Variants in DAAM1 observed in about 807,000 individuals in gnomAD.
DAAM1 encodes dishevelled associated activator of morphogenesis 1.
A neutral mutation model predicts 130.0 loss-of-function variants in DAAM1; 52 were observed. The ratio of observed to expected loss-of-function variants is 0.40; its 90% CI spans 0.32 to 0.50. The LOEUF (loss-of-function observed/expected upper bound fraction) is 0.50. DAAM1 is among the 20% of genes least tolerant of loss of function. DAAM1 has a pLI of 0.61. For missense variants in DAAM1, 1,134 were observed against 1,303.8 expected, an observed-to-expected ratio of 0.87 and a Z score of 2.01; for synonymous variants, 452 against 444.5, an observed-to-expected ratio of 1.02 and a Z score of -0.21.
chr14:59,216,969 C>T (rs1372193706), intron 1 of DAAM1, among the ~76,000 whole-genome samples: 2 of 151,646 alleles, frequency 1.3e-5, no homozygotes, highest in African/African-American at 2.4e-5. Context: ...AGTTGAGAGA[C>T]AATACCTCCC....
At chr14:59,330,944 A>G (rs1419540946) in intron 13 of DAAM1, among the ~76,000 whole-genome samples, 2 of 152,206 alleles carry the variant, frequency 1.3e-5, no homozygotes, top group Admixed American at 1.3e-4. Context: ...GACTTCATGA[A>G]AACCAGACTG....
At chr14:59,299,789 C>A (rs1363607629) in intron 3 of DAAM1, 9 of 152,074 alleles carry the variant, frequency 5.9e-5, no homozygotes, top group Non-Finnish European at 7.4e-5. Context: ...CTGGGTGGGA[C>A]CCTGGACCTG....
At chr14:59,335,955 A>T (rs1394443484) in intron 15 of DAAM1, among the ~76,000 whole-genome samples, 7 of 151,436 alleles carry the variant, frequency 4.6e-5, no homozygotes, top group Admixed American at 2.0e-4. Flanking sequence ...TAAGATATTT[A>T]TTTCAGTAGG....
chr14:59,315,200 G>C (rs951239343), intron 3 of DAAM1, 80 bp from the exon 4 acceptor site: 1 of 1,248,026 alleles, frequency 8.0e-7, no homozygotes, highest in African/African-American at 1.5e-5. Flanking sequence ...CATTGTCTGG[G>C]TGCTCTGGAA....
chr14:59,333,132 G>A (rs1001508595), intron 15 of DAAM1, among the ~76,000 whole-genome samples: 4 of 152,010 alleles, frequency 2.6e-5, no homozygotes, highest in Non-Finnish European at 5.9e-5. Context: ...CATCTGAAAT[G>A]GGGGGGAAAA....
intron 15 of DAAM1, among the ~76,000 whole-genome samples, chr14:59,336,864 A>G (rs1440834102): frequency 2.0e-5 from 3 of 152,228 alleles, no homozygotes; most frequent in Non-Finnish European, 2.9e-5. Context: ...TGTGTCAGGT[A>G]CTATACACAA....
intron 2 of DAAM1, among the ~76,000 whole-genome samples, chr14:59,268,944 T>C (rs1017508659): frequency 1.3e-5 from 2 of 152,258 alleles, no homozygotes; most frequent in African/African-American, 4.8e-5. Context: ...GTCCTAAGCG[T>C]GACAACTCTA....
At chr14:59,215,171 A>G (rs1055850588) in intron 1 of DAAM1, among the ~76,000 whole-genome samples, 9 of 152,242 alleles carry the variant, frequency 5.9e-5, no homozygotes, top group African/African-American at 2.2e-4. Context: ...CCCTGAGCCT[A>G]CAAACCTTCC....
At chr14:59,229,105 C>T (rs911222643) in intron 1 of DAAM1, among the ~76,000 whole-genome samples, 2 of 152,196 alleles carry the variant, frequency 1.3e-5, no homozygotes, top group African/African-American at 2.4e-5. Context: ...GAAGACTCCT[C>T]GCAGGGTGTT....
chr14:59,351,961 C>T lies in DAAM1; in HGVS notation c.2161-565C>T, dbSNP rs186582551. Among the ~76,000 whole-genome samples the T allele has an allele frequency of 3.9e-5, 6 of 152,172 alleles. No homozygotes were observed. In the East Asian group the frequency reaches 1.2e-3, roughly 29 times the overall value. ...ATACGAAATTAAAAACATCAAATCC[C>T]ACTGTGTTCCTCTCACCCAGCTCTG... On this transcript the variant is annotated intron_variant, in intron 17 of 24. Transcript: ENST00000360909.
intron 1 of DAAM1, among the ~76,000 whole-genome samples, chr14:59,197,006 C>T (rs1887918004): frequency 6.6e-6 from 1 of 152,052 alleles, no homozygotes; most frequent in Non-Finnish European, 1.5e-5. Context: ...CTGCAAGCTC[C>T]GCCTTCCAGG....
intron 16 of DAAM1, among the ~76,000 whole-genome samples, chr14:59,343,591 A>G (rs1198180963): frequency 6.6e-6 from 1 of 152,202 alleles, no homozygotes; most frequent in South Asian, 2.1e-4. Flanking sequence ...GGCGTATTCC[A>G]TGGGCTGTAT....
At chr14:59,203,520 TC>T (rs1366563664) in intron 1 of DAAM1, among the ~76,000 whole-genome samples, 1 of 152,216 alleles carries the variant, frequency 6.6e-6, no homozygotes, top group Non-Finnish European at 1.5e-5. Flanking sequence ...CCATTTGTTA[TC>T]TTCATGTACA....
At chr14:59,351,075 A>G (rs1230151861) in intron 17 of DAAM1, among the ~76,000 whole-genome samples, 1 of 141,548 alleles carries the variant, frequency 7.1e-6, no homozygotes, top group African/African-American at 2.6e-5. Context: ...CCCTACCTCC[A>G]GCCTTCTCTT....
intron 1 of DAAM1, among the ~76,000 whole-genome samples, chr14:59,213,384 C>T (rs1888487684): frequency 7.0e-6 from 1 of 141,856 alleles, no homozygotes; most frequent in South Asian, 2.3e-4. Context: ...AAAGAGAAAA[C>T]CACTGATAAT....
rs946327590 is a variant in DAAM1 at position 59,347,243 on chromosome 14, A to G, written c.2076-296A>G. Among the ~76,000 whole-genome samples, 6 of 152,208 alleles carry G rather than the reference A, an allele frequency of 3.9e-5. No individual in the cohort carries two copies. The South Asian group carries it at 8.3e-4, about 21-fold the overall frequency. ...TGGATCCTAAATGTGAAAGAAAACA[A>G]TTGTGTATGGGTATTTTCCCTAATT... On this transcript the variant is annotated intron_variant, in intron 16 of 24. Transcript: ENST00000360909.
At chr14:59,199,751 A>C (rs1888039868) in intron 1 of DAAM1, among the ~76,000 whole-genome samples, 3 of 152,146 alleles carry the variant, frequency 2.0e-5, no homozygotes, top group Admixed American at 6.5e-5. Context: ...AGCACTCTTG[A>C]AATTTGAAAC....
At chr14:59,215,971 TGACA>T (rs1398032124) in intron 1 of DAAM1, among the ~76,000 whole-genome samples, 3 of 152,182 alleles carry the variant, frequency 2.0e-5, no homozygotes, top group Admixed American at 1.3e-4. Flanking sequence ...ACCATATGAA[TGACA>T]GGCTTGTTTG....
chr14:59,321,092 T>C (rs1451204607), intron 5 of DAAM1, among the ~76,000 whole-genome samples: 2 of 151,610 alleles, frequency 1.3e-5, no homozygotes, highest in African/African-American at 4.9e-5. Flanking sequence ...ATAAATGAAA[T>C]GTTATATATC....
Sources: allele counts gnomAD v4.1 joint callset (sites outside exome capture counted in the v4.1 genomes callset), GRCh38; gene constraint gnomAD v4.1.1; transcripts MANE v1.5; gene names NCBI Gene and HGNC (gene_info 2026-07-23, HGNC 2026-07-21).